The following UMODL1 variants were observed in gnomAD, a reference collection of about 807,000 sequenced individuals.
The protein encoded by UMODL1 is uromodulin-like 1.
Under a neutral mutation model 136.3 loss-of-function variants are expected in UMODL1, and 128 were observed. That is an observed-to-expected ratio of 0.94 (90% CI 0.81 to 1.09). The LOEUF is 1.09. Ranked by LOEUF, UMODL1 falls within the 50% of genes least tolerant of loss-of-function variation. The probability of loss-of-function intolerance (pLI) is 0.00; values close to 1 mark genes in which losing one functional copy is unlikely to be tolerated. For synonymous variants in UMODL1, 721 were observed against 720.0 expected (o/e 1.00, Z -0.02); for missense variants, 1,766 against 1,725.6 (o/e 1.02, Z -0.41).
intron 2 of UMODL1, among the ~76,000 whole-genome samples, chr21:42,080,501 G>A (rs2066349642): frequency 1.3e-5 from 2 of 152,108 alleles, no homozygotes; most frequent in South Asian, 4.1e-4. Flanking sequence ...AATGACTTAT[G>A]CAAAAAAGGG....
At chr21:42,116,991 G>A (rs751766046) in intron 14 of UMODL1, among the ~76,000 whole-genome samples, 4 of 151,920 alleles carry the variant, frequency 2.6e-5, no homozygotes, top group African/African-American at 9.7e-5. Context: ...CAGGAGAATC[G>A]CTTGAAACCA....
Position 42,113,660 on chromosome 21 carries a change from C to G in UMODL1, c.2192C>G (p.Ser731Cys), listed in dbSNP as rs1177961937. The G allele has an allele frequency of 1.2e-6, 2 of 1,613,966 alleles. No individual in the cohort carries two copies. The highest frequency in any genetic ancestry group is 8.5e-7 in the Non-Finnish European group (1 of 1,180,054). The stretch of plus-strand genomic sequence containing the variant: ...TGGGAGGCGGATCTTGCTATGGACT[C>G]CACCTTCCAGCTCACTCTGACTTCC... ...LAWEADLAMDSTFQLTLTSMW... is the reference protein window; with the variant it reads ...LAWEADLAMDCTFQLTLTSMW... Residue 731 changes from serine to cysteine, a missense_variant, in exon 13 of 23, where the codon TCC becomes TGC. Physicochemically the swap from Ser to Cys is moderately radical, Grantham distance 112. Coordinates refer to ENST00000408910, the MANE Select transcript of UMODL1 (RefSeq NM_001004416.3).
At chr21:42,094,261 A>T (rs757202850) in intron 6 of UMODL1, among the ~76,000 whole-genome samples, 12 of 152,226 alleles carry the variant, frequency 7.9e-5, no homozygotes, top group Non-Finnish European at 1.3e-4. Flanking sequence ...TTTCCAGATC[A>T]GCAGTTTAGA....
chr21:42,088,257 CCTT>C (rs1349149562), intron 4 of UMODL1, 34 bp from the exon 5 acceptor site: 2 of 1,594,552 alleles, frequency 1.3e-6, no homozygotes. Flanking sequence ...GACGGGGTGT[CCTT>C]CTGCTGTGTG....
At chr21:42,101,703 G>A (rs1348784610) in intron 7 of UMODL1, 1 of 456,568 alleles carries the variant, frequency 2.2e-6, no homozygotes, top group South Asian at 1.5e-5. Flanking sequence ...CATTTTGACT[G>A]GCAGAGTACG....
rs553427735 is a variant in UMODL1 at position 42,103,734 on chromosome 21, C to T, written c.1300-134C>T. On this transcript the variant is annotated intron_variant, in intron 8 of 22. Coordinates refer to ENST00000408910, the MANE Select transcript of UMODL1 (RefSeq NM_001004416.3). ...GACTTCTCTGCGTGCTCTGAGAGGT[C>T]GGTCGTCAGGTGCCTCCTCTTGATT... 54 of 1,037,060 alleles carry T rather than the reference C, an allele frequency of 5.2e-5. No individual in the cohort carries two copies. In the South Asian group the frequency reaches 6.6e-4, roughly 13 times the overall value. 64.2% of individuals were successfully genotyped at this position (1,037,060 alleles called of 1,614,324 possible).
chr21:42,074,798 C>T (rs2066268814), intron 1 of UMODL1, among the ~76,000 whole-genome samples: 1 of 152,190 alleles, frequency 6.6e-6, no homozygotes, highest in East Asian at 1.9e-4. Flanking sequence ...GATCTGGGCT[C>T]ACTGCAACCT....
chr21:42,090,327 A>G lies in UMODL1; in HGVS notation c.820A>G (p.Asn274Asp), dbSNP rs17114359. The change falls in exon 6 of 23, where the codon AAT becomes GAT. Residue 274 changes from asparagine (N) to aspartate (D), a missense_variant. Physicochemically the swap from Asn to Asp is conservative, Grantham distance 23. Transcript: ENST00000408910. ...DVNECFYEEL[N>D]ACSGRELCAN... ...CAATGAGTGTTTCTATGAGGAGCTCAATGCCTGCTCTGGAAGGGAACTGTG... is the reference window on the plus strand; with the variant it reads ...CAATGAGTGTTTCTATGAGGAGCTCGATGCCTGCTCTGGAAGGGAACTGTG... The G allele has an allele frequency of 0.045, 73,121 of 1,613,770 alleles. 2,584 individuals are homozygous for G. Among genetic ancestry groups the G allele is most frequent in the African/African-American group, 0.18 (13,445 of 74,892 alleles).
chr21:42,097,988 T>C lies in UMODL1; in HGVS notation c.932-938T>C, dbSNP rs370382523. 1.2e-4 allele frequency among the ~76,000 whole-genome samples: 18 copies of C among 152,334 alleles called. 4 individuals carry two copies. Among genetic ancestry groups the C allele is most frequent in the East Asian group, 3.9e-4 (2 of 5,194 alleles). On this transcript the variant is annotated intron_variant, in intron 6 of 22. Transcript: ENST00000408910. ...GGCTTCCTGATGAGGCCATTGTTTA[T>C]GGAGTGATGAGTCAGCCCAGTGCAG...
intron 21 of UMODL1, among the ~76,000 whole-genome samples, chr21:42,132,747 G>C (rs571958360): frequency 8.5e-5 from 13 of 152,324 alleles, no homozygotes; most frequent in Non-Finnish European, 1.6e-4. Flanking sequence ...TTCTTTGTGA[G>C]GCTAAGATTT....
At chr21:42,121,283 G>A in intron 16 of UMODL1, 59 bp downstream of exon 16, 1 of 1,556,282 alleles carries the variant, frequency 6.4e-7, no homozygotes, top group Non-Finnish European at 8.7e-7. Context: ...TTTTTTTAAG[G>A]ACATTCACGT....
chr21:42,101,663 G>A (rs966395604), intron 7 of UMODL1: 2 of 449,716 alleles, frequency 4.4e-6, no homozygotes, highest in Admixed American at 2.5e-5. Flanking sequence ...CCAAAATAAC[G>A]CAACCTCCCT....
chr21:42,126,121 A>G (rs941540125), intron 17 of UMODL1, among the ~76,000 whole-genome samples: 3 of 152,166 alleles, frequency 2.0e-5, no homozygotes, highest in African/African-American at 7.2e-5. Context: ...GAATCCCCAC[A>G]GGTTCAGGTG....
intron 16 of UMODL1, 22 bp downstream of exon 16, chr21:42,121,246 C>A: frequency 6.2e-7 from 1 of 1,600,752 alleles, no homozygotes; most frequent in South Asian, 1.1e-5. Flanking sequence ...AGAGTTTCTT[C>A]TTCTGGAATA....
intron 6 of UMODL1, among the ~76,000 whole-genome samples, chr21:42,098,660 C>T (rs1050978185): frequency 1.3e-4 from 20 of 151,960 alleles, no homozygotes; most frequent in African/African-American, 4.1e-4. Context: ...CCCAGCTACT[C>T]GGGAGGCTGA....
rs1156815683 is a variant in UMODL1 at position 42,113,758 on chromosome 21, T to C, written c.2290T>C (p.Leu764=). Residue 764 remains leucine, a synonymous_variant, in exon 13 of 23, where the codon TTG becomes CTG. Transcript: ENST00000408910. The stretch of plus-strand genomic sequence containing the variant: ...ACTGTCGGGGCTGGAGCCTGGGGTC[T>C]TGCACCTGGTTGAGATCATGGCCAA... ...VTLSGLEPGV[L]HLVEIMAKAC... 6.2e-7 allele frequency: 1 copy of C among 1,613,914 alleles called. No individual in the cohort carries two copies. Among genetic ancestry groups the C allele is most frequent in the Admixed American group, 1.7e-5 (1 of 59,990 alleles).
In UMODL1 at chr21:42,103,864, C is replaced by T. The variant is rs1370099565; in HGVS notation, c.1300-4C>T. The T allele has an allele frequency of 1.2e-6, 2 of 1,614,026 alleles. No homozygotes were observed. Among genetic ancestry groups the T allele is most frequent in the East Asian group, 2.2e-5 (1 of 44,890 alleles). On this transcript the variant is annotated splice_region_variant and splice_polypyrimidine_tract_variant and intron_variant, in intron 8 of 22. Transcript: ENST00000408910. ...GATGTCTGCTGTTGCCTCTTCTTGG[C>T]TAGGTCGAGAGCTCCTTCCCACCAG...
chr21:42,110,056 C>T (rs934374694), intron 10 of UMODL1, among the ~76,000 whole-genome samples: 7 of 152,150 alleles, frequency 4.6e-5, no homozygotes, highest in Non-Finnish European at 5.9e-5. Context: ...GATTCCTTCC[C>T]CAGTGGCCTG....
Position 42,109,665 on chromosome 21 carries a change from C to A in UMODL1, c.1623C>A (p.Asp541Glu), listed in dbSNP as rs374122697. Residue 541 changes from aspartate to glutamate, a missense_variant, in exon 10 of 23, where the codon GAC becomes GAA. By Grantham distance (45) the Asp-to-Glu change is conservative. Coordinates refer to ENST00000408910, the MANE Select transcript of UMODL1 (RefSeq NM_001004416.3). ...SYTCQCRTTR[D>E]ATPSRAGRAC... is the part of the protein sequence containing the mutation. ...CCTGCCAGTGCCGTACCACCAGGGACGCCACCCCCTCCCGCGCAGGCCGGG... is the reference window on the plus strand; with the variant it reads ...CCTGCCAGTGCCGTACCACCAGGGAAGCCACCCCCTCCCGCGCAGGCCGGG... 5 of 1,607,254 alleles carry A rather than the reference C, an allele frequency of 3.1e-6. No homozygotes were observed. The South Asian group carries it at 5.5e-5, about 18-fold the overall frequency.
Sources: gnomAD v4.1 joint callset for allele counts (sites outside exome capture counted in the v4.1 genomes callset) on GRCh38, gnomAD v4.1.1 for gene constraint, MANE v1.5 for transcripts, NCBI Gene and HGNC (gene_info 2026-07-23, HGNC 2026-07-21) for gene names.